The following DRC11 variants were observed in gnomAD, a reference collection of about 807,000 sequenced individuals.
DRC11 encodes IQ and AAA domain-containing protein 1.
chr2:236,344,422 A>C, the DRC11 span: 13 of 630,086 alleles, frequency 2.1e-5, no homozygotes, highest in Non-Finnish European at 3.7e-5. Context: ...GCAGACAGAG[A>C]CCACTACAGA....
At chr2:236,478,668 C>T in the DRC11 span, among the ~76,000 whole-genome samples, 2 of 152,104 alleles carry the variant, frequency 1.3e-5, no homozygotes, top group African/African-American at 4.8e-5. The surrounding 1 kb of genome is among the most constrained non-coding windows in gnomAD (Gnocchi z 5.9). Flanking sequence ...TGCAGTATAT[C>T]TCTCCCTTTA....
chr2:236,437,802 T>C, the DRC11 span, among the ~76,000 whole-genome samples: 1 of 152,132 alleles, frequency 6.6e-6, no homozygotes, highest in African/African-American at 2.4e-5. Context: ...TGTTTTTTTC[T>C]TGTAAATTTG....
the DRC11 span, among the ~76,000 whole-genome samples, chr2:236,311,902 C>T: frequency 6.6e-6 from 1 of 152,004 alleles, no homozygotes; most frequent in African/African-American, 2.4e-5. This position sits in a 1 kb window ranked among gnomAD's most constrained non-coding sequence, Gnocchi z 6.9. Context: ...AACTGTGCAG[C>T]CCCTTTTCCT....
chr2:236,344,530 A>G, the DRC11 span: 1 of 1,572,694 alleles, frequency 6.4e-7, no homozygotes, highest in Non-Finnish European at 8.7e-7. Context: ...AAGAAAAGGC[A>G]AAAGTAAGGC....
chr2:236,492,432 G>A, the DRC11 span, among the ~76,000 whole-genome samples: 2 of 152,128 alleles, frequency 1.3e-5, no homozygotes, highest in Non-Finnish European at 2.9e-5. Flanking sequence ...TTTTTCTCCT[G>A]CCATCCTCAG....
the DRC11 span, among the ~76,000 whole-genome samples, chr2:236,444,610 A>G: frequency 0.023 from 3,482 of 152,236 alleles, 131 homozygotes; most frequent in African/African-American, 0.079. Context: ...TCACTCCCCC[A>G]AGGTAGCCCA....
chr2:236,393,883 G>A, the DRC11 span, among the ~76,000 whole-genome samples: 1 of 152,172 alleles, frequency 6.6e-6, no homozygotes, highest in Non-Finnish European at 1.5e-5. This position sits in a 1 kb window ranked among gnomAD's most constrained non-coding sequence, Gnocchi z 4.7. Context: ...CTACCAGCTG[G>A]TGACCTTAGC....
chr2:236,373,653 T>C, the DRC11 span, among the ~76,000 whole-genome samples: 7 of 152,350 alleles, frequency 4.6e-5, no homozygotes, highest in East Asian at 1.3e-3. Flanking sequence ...TTTTTTCTTA[T>C]GATAATTTTG....
At chr2:236,390,798 G>A in the DRC11 span, among the ~76,000 whole-genome samples, 2 of 152,144 alleles carry the variant, frequency 1.3e-5, no homozygotes, top group Non-Finnish European at 2.9e-5. This position sits in a 1 kb window ranked among gnomAD's most constrained non-coding sequence, Gnocchi z 5.9. Context: ...GCCCAGTGCT[G>A]ATTTTTGTGG....
At chr2:236,441,425 C>T in the DRC11 span, among the ~76,000 whole-genome samples, 1 of 150,994 alleles carries the variant, frequency 6.6e-6, no homozygotes, top group Non-Finnish European at 1.5e-5. Context: ...AGAATGAAGA[C>T]AGAAGCACAA....
the DRC11 span, among the ~76,000 whole-genome samples, chr2:236,318,299 C>T: frequency 6.6e-6 from 1 of 152,216 alleles, no homozygotes; most frequent in African/African-American, 2.4e-5. The surrounding 1 kb of genome is among the most constrained non-coding windows in gnomAD (Gnocchi z 7.0). Flanking sequence ...TGTTCCGCTG[C>T]TGCTGTCCCT....
the DRC11 span, among the ~76,000 whole-genome samples, chr2:236,442,613 T>C: frequency 2.0e-5 from 3 of 152,174 alleles, no homozygotes; most frequent in African/African-American, 4.8e-5. Flanking sequence ...CCATGCATGA[T>C]TTTTTGTCCT....
chr2:236,357,027 ATATT>A, the DRC11 span, among the ~76,000 whole-genome samples: 3 of 109,382 alleles, frequency 2.7e-5, no homozygotes, highest in Admixed American at 1.0e-4. Flanking sequence ...ATATATCTAT[ATATT>A]TATATATTCA....
the DRC11 span, among the ~76,000 whole-genome samples, chr2:236,357,847 T>A: frequency 2.4e-5 from 3 of 125,208 alleles, no homozygotes; most frequent in African/African-American, 9.6e-5. Flanking sequence ...AAATATGTAA[T>A]ATATAAATAT....
the DRC11 span, among the ~76,000 whole-genome samples, chr2:236,444,025 T>C: frequency 6.6e-6 from 1 of 151,994 alleles, no homozygotes; most frequent in Admixed American, 6.6e-5. Context: ...TTTTGCCCAC[T>C]TTTTAATGGG....
the DRC11 span, among the ~76,000 whole-genome samples, chr2:236,339,201 G>A: frequency 1.4e-4 from 21 of 152,276 alleles, no homozygotes; most frequent in African/African-American, 4.8e-4. Flanking sequence ...TTGGTCATTT[G>A]TGTATCTTAT....
the DRC11 span, among the ~76,000 whole-genome samples, chr2:236,374,712 T>C: frequency 1.2e-4 from 18 of 152,096 alleles, no homozygotes; most frequent in Non-Finnish European, 2.9e-5. Flanking sequence ...TTTTTTGAGA[T>C]GGTGTTTCGC....
At chr2:236,482,135 C>T in the DRC11 span, among the ~76,000 whole-genome samples, 73 of 148,758 alleles carry the variant, frequency 4.9e-4, no homozygotes, top group Non-Finnish European at 8.6e-4. This position sits in a 1 kb window ranked among gnomAD's most constrained non-coding sequence, Gnocchi z 4.5. Flanking sequence ...ATGTATAATT[C>T]TACATATTAT....
the DRC11 span, among the ~76,000 whole-genome samples, chr2:236,348,569 A>G: frequency 2.1e-4 from 30 of 146,070 alleles, no homozygotes; most frequent in African/African-American, 6.9e-4. The surrounding 1 kb of genome is among the most constrained non-coding windows in gnomAD (Gnocchi z 7.4). Context: ...GGGGCGGAGC[A>G]CAAGCCAGAG....
Sources: gnomAD v4.1 joint callset for allele counts (sites outside exome capture counted in the v4.1 genomes callset) on GRCh38, gnomAD v4.1.1 for gene constraint, Gnocchi (gnomAD v3.1) non-coding constraint, MANE v1.5 for transcripts, NCBI Gene and HGNC (gene_info 2026-07-23, HGNC 2026-07-21) for gene names.